The following ANO6 variants were observed in gnomAD, a reference collection of about 807,000 sequenced individuals.
ANO6 encodes the protein anoctamin 6.
A neutral mutation model predicts 117.5 loss-of-function variants in ANO6; 106 were observed. The ratio of observed to expected loss-of-function variants is 0.90; its 90% CI spans 0.77 to 1.06. ANO6 has a LOEUF of 1.06. Among genes scored for constraint, ANO6 ranks in the 50% least tolerant of loss-of-function variants. ANO6 has a pLI of 0.00. For synonymous variants in ANO6, 367 were observed against 385.1 expected (o/e 0.95, Z 0.55); for missense variants, 955 against 1,121.1 (o/e 0.85, Z 2.12).
intron 6 of ANO6, among the ~76,000 whole-genome samples, chr12:45,349,230 C>A (rs1941221678): frequency 6.6e-6 from 1 of 152,172 alleles, no homozygotes; most frequent in South Asian, 2.1e-4. Context: ...GCAACATAGA[C>A]TTTTCTTCCT....
At position 45,371,899 on chromosome 12, in the gene ANO6, G is replaced by A. The variant is rs1173940173; in HGVS notation, c.1104+4106G>A. On this transcript the variant is annotated intron_variant, in intron 9 of 19. Coordinates refer to ENST00000320560, the MANE Select transcript of ANO6 (RefSeq NM_001025356.3). ...GAGCTGAGAGAAGAAGGCTTCAGAC[G>A]ATCAAATTACTCTGAGCTACGGGAG... Among the ~76,000 whole-genome samples the A allele has an allele frequency of 5.2e-3, 792 of 151,888 alleles. 4 individuals are homozygous for A. Among genetic ancestry groups the A allele is most frequent in the African/African-American group, 0.018 (744 of 41,478 alleles).
chr12:45,336,392 C>G (rs1940826126), intron 3 of ANO6, among the ~76,000 whole-genome samples: 1 of 150,370 alleles, frequency 6.7e-6, no homozygotes, highest in Non-Finnish European at 1.5e-5. Context: ...TAGTTATTAG[C>G]ACCCTACTTA....
chr12:45,435,833 T>C (rs1338497317), downstream of ANO6, among the ~76,000 whole-genome samples: 1 of 152,130 alleles, frequency 6.6e-6, no homozygotes, highest in Non-Finnish European at 1.5e-5. Context: ...TAGAGGACCT[T>C]GATTCAAGTC....
Position 45,390,485 on chromosome 12 carries a change from C to G in ANO6, c.1373C>G (p.Ala458Gly). 6.2e-7 allele frequency: 1 copy of G among 1,613,248 alleles called. No homozygotes were observed. Among genetic ancestry groups the G allele is most frequent in the Non-Finnish European group, 8.5e-7 (1 of 1,179,462 alleles). Reference sequence around the variant, plus strand: ...ATACGGATAACCCTCTGTGCCAGTGCTGTCTTTTTCTGGGTAATTCTATCA... The same window carrying G: ...ATACGGATAACCCTCTGTGCCAGTGGTGTCTTTTTCTGGGTAATTCTATCA... ...KCIRITLCAS[A>G]VFFWILLIIA... The change falls in exon 12 of 20, where the codon GCT becomes GGT. Residue 458 changes from alanine to glycine, a missense_variant. Physicochemically the swap from Ala to Gly is moderately conservative, Grantham distance 60 (BLOSUM62 0). Coordinates refer to ENST00000320560, the MANE Select transcript of ANO6 (RefSeq NM_001025356.3).
chr12:45,398,221 G>A (rs1419683300), intron 12 of ANO6, among the ~76,000 whole-genome samples: 2 of 152,192 alleles, frequency 1.3e-5, no homozygotes, highest in African/African-American at 4.8e-5. Context: ...AAAGATCTCA[G>A]TGGCTAAAGA....
At chr12:45,270,017 GC>G (rs1938343886) in intron 1 of ANO6, among the ~76,000 whole-genome samples, 1 of 152,144 alleles carries the variant, frequency 6.6e-6, no homozygotes, top group Admixed American at 6.5e-5. Flanking sequence ...TTGGAATGCA[GC>G]CTCCACTGGG....
intron 2 of ANO6, among the ~76,000 whole-genome samples, chr12:45,309,647 A>G (rs560458939): frequency 2.0e-5 from 3 of 151,738 alleles, no homozygotes; most frequent in African/African-American, 7.3e-5. Flanking sequence ...GCTATTGAAA[A>G]ATATTTTGGT....
At chr12:45,416,662 A>T (rs1943220705) in intron 16 of ANO6, 37 bp from the exon 17 acceptor site, 1 of 1,602,984 alleles carries the variant, frequency 6.2e-7, no homozygotes, top group African/African-American at 1.3e-5. Context: ...CCTTCCATCC[A>T]CCACCACTCC....
intron 17 of ANO6, among the ~76,000 whole-genome samples, chr12:45,420,636 A>C (rs142416487): frequency 3.8e-4 from 58 of 151,606 alleles, no homozygotes; most frequent in African/African-American, 1.3e-3. Context: ...GTTAAGAAAA[A>C]ATTAAGATTT....
At chr12:45,424,658 G>T (rs1014773279) in intron 19 of ANO6, among the ~76,000 whole-genome samples, 1 of 152,016 alleles carries the variant, frequency 6.6e-6, no homozygotes, top group Non-Finnish European at 1.5e-5. Context: ...CTTTAATAGG[G>T]CAGTGAGCAA....
At chr12:45,424,797 G>T (rs1258429624) in intron 19 of ANO6, among the ~76,000 whole-genome samples, 1 of 152,078 alleles carries the variant, frequency 6.6e-6, no homozygotes, top group Non-Finnish European at 1.5e-5. Context: ...GAGATTCCTG[G>T]ATAAGCCAGA....
chr12:45,397,487 A>G (rs1006189473), intron 12 of ANO6, among the ~76,000 whole-genome samples: 5 of 152,236 alleles, frequency 3.3e-5, no homozygotes, highest in Non-Finnish European at 7.3e-5. Context: ...ATTACTGGGT[A>G]TATATCCAAA....
chr12:45,301,979 A>T (rs756702916), intron 1 of ANO6, 35 bp from the exon 2 acceptor site: 11 of 1,588,182 alleles, frequency 6.9e-6, no homozygotes, highest in South Asian at 5.5e-5. Context: ...GTGCAGGTTC[A>T]TGCTTCATTT....
At chr12:45,351,848 A>G (rs1941288385) in intron 7 of ANO6, among the ~76,000 whole-genome samples, 1 of 148,646 alleles carries the variant, frequency 6.7e-6, no homozygotes. Context: ...GTAATATTTT[A>G]AATGTTTAAG....
At chr12:45,407,329 T>C (rs2137649266) in intron 15 of ANO6, among the ~76,000 whole-genome samples, 1 of 152,246 alleles carries the variant, frequency 6.6e-6, no homozygotes, top group East Asian at 1.9e-4. Context: ...GACCTGCTTC[T>C]CTGAGGGCAT....
intron 1 of ANO6, among the ~76,000 whole-genome samples, chr12:45,291,694 A>G (rs552136160): frequency 6.6e-6 from 1 of 152,222 alleles, no homozygotes; most frequent in Non-Finnish European, 1.5e-5. Context: ...ATCTAATAGC[A>G]CAGGAGGGAA....
intron 8 of ANO6, among the ~76,000 whole-genome samples, chr12:45,360,310 G>A (rs1941523129): frequency 6.6e-6 from 1 of 152,186 alleles, no homozygotes. Flanking sequence ...GGTGAGGGCT[G>A]CATCCTCTGA....
intron 1 of ANO6, among the ~76,000 whole-genome samples, chr12:45,277,603 T>C (rs1233776393): frequency 6.6e-6 from 1 of 152,260 alleles, no homozygotes; most frequent in African/African-American, 2.4e-5. Context: ...CAGTGTCTTA[T>C]GTAGAAAGGG....
chr12:45,439,948 A>G (rs765481081), exon 20 of ANO6: 3 of 1,463,306 alleles, frequency 2.1e-6, no homozygotes, highest in East Asian at 2.5e-5. Context: ...GATTTATTCA[A>G]TAATTCATTC....
Sources: allele counts gnomAD v4.1 joint callset (sites outside exome capture counted in the v4.1 genomes callset), GRCh38; gene constraint gnomAD v4.1.1; transcripts MANE v1.5; gene names NCBI Gene and HGNC (gene_info 2026-07-23, HGNC 2026-07-21).